CSRNP3: variants seen among roughly 807,000 people sequenced by gnomAD.
CSRNP3 encodes the protein cysteine/serine-rich nuclear protein 3.
CSRNP3 carries 12 observed loss-of-function variants against 48.0 expected under a neutral mutation model. The ratio of observed to expected loss-of-function variants is 0.25; its 90% CI spans 0.16 to 0.41. CSRNP3 has a LOEUF of 0.41. Ranked by LOEUF, CSRNP3 falls within the 10% of genes least tolerant of loss-of-function variation. The pLI, the probability that CSRNP3 is intolerant of heterozygous loss-of-function variation, is 1.00. For missense variants in CSRNP3, 580 were observed against 724.4 expected (o/e 0.80, Z 2.29); for synonymous variants, 263 against 269.7 (o/e 0.98, Z 0.24).
chr2:165,507,469 TAGGGCTCCTC>T (rs1684442338), intron 2 of CSRNP3, among the ~76,000 whole-genome samples: 1 of 152,198 alleles, frequency 6.6e-6, no homozygotes, highest in African/African-American at 2.4e-5. Flanking sequence ...AATCTTCATT[TAGGGCTCCTC>T]TGTATTCACC....
At chr2:165,654,817 A>C (rs1686974932) in intron 4 of CSRNP3, among the ~76,000 whole-genome samples, 1 of 152,034 alleles carries the variant, frequency 6.6e-6, no homozygotes, top group Admixed American at 6.6e-5. Flanking sequence ...TTTAGTAGAG[A>C]CAGGATTTCA....
intron 3 of CSRNP3, among the ~76,000 whole-genome samples, chr2:165,575,085 C>T (rs1348190661): frequency 1.3e-5 from 2 of 152,106 alleles, no homozygotes; most frequent in Non-Finnish European, 2.9e-5. Context: ...TGTTCAACTT[C>T]CTATGACTTT....
chr2:165,554,824 C>CT (rs1427975072), intron 3 of CSRNP3, among the ~76,000 whole-genome samples: 2 of 152,160 alleles, frequency 1.3e-5, no homozygotes, highest in African/African-American at 4.8e-5. Context: ...TCCACTGACT[C>CT]TATTTCACTC....
chr2:165,589,898 G>T (rs1685689506), intron 3 of CSRNP3, among the ~76,000 whole-genome samples: 1 of 152,126 alleles, frequency 6.6e-6, no homozygotes, highest in Non-Finnish European at 1.5e-5. Flanking sequence ...GGGGGAAGAA[G>T]AACATGGTTT....
intron 4 of CSRNP3, among the ~76,000 whole-genome samples, chr2:165,602,065 G>A (rs1453351838): frequency 1.3e-5 from 2 of 152,110 alleles, no homozygotes; most frequent in Non-Finnish European, 2.9e-5. Flanking sequence ...ATTAGTTTGA[G>A]AACTAACTTT....
At chr2:165,518,299 A>G (rs1684607197) in intron 3 of CSRNP3, among the ~76,000 whole-genome samples, 1 of 151,856 alleles carries the variant, frequency 6.6e-6, no homozygotes, top group Non-Finnish European at 1.5e-5. Flanking sequence ...TGACTTTTTC[A>G]TTTCTTTTGT....
intron 3 of CSRNP3, among the ~76,000 whole-genome samples, chr2:165,550,294 T>C (rs537260579): frequency 6.6e-6 from 1 of 152,346 alleles, no homozygotes; most frequent in African/African-American, 2.4e-5. Flanking sequence ...AATATTATTA[T>C]AAATAAGACT....
Position 165,680,928 on chromosome 2 carries a change from C to G in CSRNP3, c.*1175C>G, listed in dbSNP as rs1687524510. On this transcript the variant is annotated 3_prime_UTR_variant, in exon 7 of 7. Transcript: ENST00000651982. ...ACAAAATCAGTGTATAATGAGATTT[C>G]CACTTAGTGACTAGCTGATTGAAGG... 1.3e-5 allele frequency: 2 copies of G among 152,074 alleles called. No homozygotes were observed. Among genetic ancestry groups the G allele is most frequent in the South Asian group, 4.1e-4 (2 of 4,822 alleles). 9.4% of individuals were successfully genotyped at this position (152,074 alleles called of 1,614,324 possible). A position where few individuals can be genotyped will look rare whatever the true frequency, so the allele number is the denominator to read the frequency against.
chr2:165,663,985 G>A (rs1243509980), intron 5 of CSRNP3, among the ~76,000 whole-genome samples: 1 of 152,098 alleles, frequency 6.6e-6, no homozygotes, highest in African/African-American at 2.4e-5. Context: ...ATTTTCATAT[G>A]TCTTATATGT....
At chr2:165,474,520 C>T (rs897015378) in intron 1 of CSRNP3, among the ~76,000 whole-genome samples, 2 of 152,044 alleles carry the variant, frequency 1.3e-5, no homozygotes, top group Non-Finnish European at 2.9e-5. Context: ...TTTTATTGCC[C>T]TAGAAACATG....
At chr2:165,505,369 A>G (rs192491176) in intron 2 of CSRNP3, among the ~76,000 whole-genome samples, 4 of 152,280 alleles carry the variant, frequency 2.6e-5, no homozygotes, top group East Asian at 1.9e-4. Flanking sequence ...AGGCAAATAG[A>G]TACAGAAGTT....
chr2:165,661,648 T>C (rs1439677948), intron 5 of CSRNP3, among the ~76,000 whole-genome samples: 2 of 152,198 alleles, frequency 1.3e-5, no homozygotes, highest in African/African-American at 4.8e-5. Flanking sequence ...ATTGATTTCA[T>C]TATTTTGACT....
intron 4 of CSRNP3, among the ~76,000 whole-genome samples, chr2:165,607,003 G>A (rs1370494325): frequency 6.6e-6 from 1 of 151,888 alleles, no homozygotes; most frequent in Non-Finnish European, 1.5e-5. Context: ...AATAAATATA[G>A]CAAAATATTA....
At chr2:165,659,358 G>A (rs930702712) in intron 5 of CSRNP3, among the ~76,000 whole-genome samples, 2 of 152,146 alleles carry the variant, frequency 1.3e-5, no homozygotes, top group African/African-American at 4.8e-5. Flanking sequence ...AGGAAGAGAA[G>A]GAGATTGTCA....
chr2:165,495,711 C>T lies in CSRNP3; in HGVS notation c.-113+783C>T, dbSNP rs534472159. On this transcript the variant is annotated intron_variant, in intron 2 of 6. Transcript: ENST00000651982. ...AAGCAAAAGTAAATGAAGTGAAAGC[C>T]CCTTACCTTCACCCACCCCTCATGA... Among the ~76,000 whole-genome samples the T allele has an allele frequency of 2.6e-4, 40 of 152,040 alleles. 2 individuals carry two copies. Among genetic ancestry groups the T allele is most frequent in the African/African-American group, 8.9e-4 (37 of 41,488 alleles).
At chr2:165,594,526 G>A (rs1685777354) in intron 3 of CSRNP3, among the ~76,000 whole-genome samples, 1 of 152,132 alleles carries the variant, frequency 6.6e-6, no homozygotes, top group African/African-American at 2.4e-5. Context: ...GGTAGCATGG[G>A]GATGCATGTC....
intron 4 of CSRNP3, among the ~76,000 whole-genome samples, chr2:165,637,601 G>A (rs1228336897): frequency 4.6e-5 from 7 of 152,314 alleles, no homozygotes; most frequent in Admixed American, 1.3e-4. Flanking sequence ...ATAAGTACCA[G>A]TGCTTATGCT....
At chr2:165,529,428 A>G (rs1684783667) in intron 3 of CSRNP3, among the ~76,000 whole-genome samples, 1 of 152,090 alleles carries the variant, frequency 6.6e-6, no homozygotes, top group Non-Finnish European at 1.5e-5. Flanking sequence ...CCAAGCTCTC[A>G]TTCCCTCTTG....
chr2:165,555,590 A>C (rs2105263283), intron 3 of CSRNP3, among the ~76,000 whole-genome samples: 1 of 152,262 alleles, frequency 6.6e-6, no homozygotes, highest in South Asian at 2.1e-4. Context: ...CTGGGTAGTC[A>C]ATCACTAACC....
Sources: gnomAD v4.1 joint callset for allele counts (sites outside exome capture counted in the v4.1 genomes callset) on GRCh38, gnomAD v4.1.1 for gene constraint, MANE v1.5 for transcripts, NCBI Gene and HGNC (gene_info 2026-07-23, HGNC 2026-07-21) for gene names.